FIGN: variants seen among roughly 807,000 people sequenced by gnomAD.
FIGN encodes the protein fidgetin, microtubule severing factor, also known as fidgetin.
Under a neutral mutation model 51.3 loss-of-function variants are expected in FIGN, and 11 were observed. The observed-to-expected ratio is 0.21, with a 90% CI of 0.13 to 0.35. The LOEUF is 0.35. Ranked by LOEUF, FIGN falls within the 10% of genes least tolerant of loss-of-function variation. The pLI, the probability that FIGN is intolerant of heterozygous loss-of-function variation, is 1.00. For synonymous variants in FIGN, 407 were observed against 363.2 expected, an observed-to-expected ratio of 1.12 and a Z score of -1.37; for missense variants, 857 against 943.6, an observed-to-expected ratio of 0.91 and a Z score of 1.20.
intron 2 of FIGN, among the ~76,000 whole-genome samples, chr2:163,696,481 TG>T (rs1371007652): frequency 6.6e-6 from 1 of 152,206 alleles, no homozygotes; most frequent in African/African-American, 2.4e-5. Flanking sequence ...GAAATATCGC[TG>T]CAAGTATCCA....
At position 163,700,078 on chromosome 2, in the gene FIGN, C is replaced by G. The variant is rs1217878932; in HGVS notation, c.25+34825G>C. 2.6e-5 allele frequency among the ~76,000 whole-genome samples: 4 copies of G among 151,950 alleles called. No individual in the cohort carries two copies. In the East Asian group the frequency reaches 7.7e-4, roughly 29 times the overall value. On this transcript the variant is annotated intron_variant, in intron 2 of 2. Coordinates refer to ENST00000333129, the MANE Select transcript of FIGN (RefSeq NM_018086.4). ...GAGAAGGAAGGAGAAGAAGAAGAAC[C>G]CCTCCTGAAACAGATTCTAAAATAC...
intron 2 of FIGN, among the ~76,000 whole-genome samples, chr2:163,713,302 G>A (rs965687959): frequency 6.6e-6 from 1 of 152,052 alleles, no homozygotes; most frequent in African/African-American, 2.4e-5. Context: ...AATCAAGTTC[G>A]GTAAAGGTGA....
chr2:163,624,988 C>CT (rs900364747), intron 2 of FIGN, among the ~76,000 whole-genome samples: 1 of 151,882 alleles, frequency 6.6e-6, no homozygotes, highest in African/African-American at 2.4e-5. Flanking sequence ...GCAATAATCT[C>CT]TTTTTTTCTA....
At chr2:163,639,725 A>AT (rs534205832) in intron 2 of FIGN, among the ~76,000 whole-genome samples, 158 of 152,232 alleles carry the variant, frequency 1.0e-3, no homozygotes, top group South Asian at 2.5e-3. Flanking sequence ...TCTAAAAGGC[A>AT]TTTTTTTAAC....
chr2:163,613,671 G>A (rs1285720336), intron 2 of FIGN, among the ~76,000 whole-genome samples: 2 of 152,218 alleles, frequency 1.3e-5, no homozygotes, highest in Admixed American at 6.5e-5. Context: ...AGAGAATCAT[G>A]CCAGGGCTGG....
chr2:163,712,515 A>G (rs1023789197), intron 2 of FIGN, among the ~76,000 whole-genome samples: 1 of 152,228 alleles, frequency 6.6e-6, no homozygotes, highest in African/African-American at 2.4e-5. Flanking sequence ...AATGTAAGAC[A>G]TATAATCAAA....
chr2:163,641,426 G>A (rs896722313), intron 2 of FIGN, among the ~76,000 whole-genome samples: 1 of 152,160 alleles, frequency 6.6e-6, no homozygotes, highest in Non-Finnish European at 1.5e-5. Context: ...TAGCTTGAAA[G>A]GAATTTGTAC....
intron 2 of FIGN, among the ~76,000 whole-genome samples, chr2:163,680,375 C>T (rs774949586): frequency 3.9e-5 from 6 of 152,030 alleles, no homozygotes; most frequent in Non-Finnish European, 4.4e-5. Context: ...CTTGTGGCAC[C>T]GCAAACCAAG....
chr2:163,717,248 G>A (rs563877919), intron 2 of FIGN, among the ~76,000 whole-genome samples: 41 of 152,248 alleles, frequency 2.7e-4, no homozygotes, highest in Admixed American at 1.3e-3. Flanking sequence ...GGTTAACTAC[G>A]GAATTGAGAA....
chr2:163,691,427 T>C (rs188386093), intron 2 of FIGN, among the ~76,000 whole-genome samples: 2 of 152,286 alleles, frequency 1.3e-5, no homozygotes, highest in African/African-American at 2.4e-5. Flanking sequence ...CTACCTGTCC[T>C]CCTTCACTCA....
intron 2 of FIGN, among the ~76,000 whole-genome samples, chr2:163,620,343 C>A (rs1180890449): frequency 6.6e-6 from 1 of 152,122 alleles, no homozygotes; most frequent in African/African-American, 2.4e-5. Context: ...CCCTTCCCCC[C>A]AGATCATCAG....
intron 2 of FIGN, among the ~76,000 whole-genome samples, chr2:163,715,319 G>C (rs527747163): frequency 2.0e-5 from 3 of 152,178 alleles, no homozygotes; most frequent in Non-Finnish European, 4.4e-5. Flanking sequence ...CCTCCAGGAG[G>C]GGGGATTTGA....
chr2:163,724,055 C>G (rs1167475648), intron 2 of FIGN, among the ~76,000 whole-genome samples: 1 of 152,084 alleles, frequency 6.6e-6, no homozygotes, highest in Non-Finnish European at 1.5e-5. Context: ...ATGGAGTATA[C>G]AAAACTGCAA....
Position 163,611,103 on chromosome 2 carries a change from G to A in FIGN, c.729C>T (p.Ser243=), listed in dbSNP as rs200507523. 3.4e-5 allele frequency: 55 copies of A among 1,614,180 alleles called. No homozygotes were observed. In the African/African-American group the frequency reaches 6.9e-4, roughly 20 times the overall value. Residue 243 remains serine, a synonymous_variant, in exon 3 of 3, where the codon TCC becomes TCT. Transcript: ENST00000333129. ...AGCTAGCAGACGGATAGCTGTAACT[G>A]GAGAGGTTAGAAGTCCCATTGTAGC... ...VPGYNGTSNL[S]SYSYPSASYP... is the part of the protein sequence containing the mutation.
chr2:163,674,795 T>A (rs10497239), intron 2 of FIGN, among the ~76,000 whole-genome samples: 30,885 of 152,024 alleles, frequency 0.2, 3,523 homozygotes, highest in East Asian at 0.39. Flanking sequence ...ATCACATGTA[T>A]GGTTGCTCTT....
chr2:163,635,871 GGCTTAATT>G (rs1251050666), intron 2 of FIGN, among the ~76,000 whole-genome samples: 1 of 151,888 alleles, frequency 6.6e-6, no homozygotes, highest in African/African-American at 2.4e-5. Flanking sequence ...TGAAAAGAAT[GGCTTAATT>G]GCATCAGAGG....
chr2:163,606,817 A>C lies in FIGN; in HGVS notation c.*2735T>G, dbSNP rs1290178933. The C allele has an allele frequency of 2.0e-5, 3 of 152,194 alleles. No individual in the cohort carries two copies. Among genetic ancestry groups the C allele is most frequent in the Admixed American group, 6.6e-5 (1 of 15,266 alleles). The allele number at this position is 152,194 out of a possible 1,614,324, so 9.4% of individuals were successfully genotyped here. ...TCAAATCTTGGATTTTGTGAGGCTA[A>C]ATGAAAATCACATACGACTTCAGCT... On this transcript the variant is annotated 3_prime_UTR_variant, in exon 3 of 3. Transcript: ENST00000333129.
intron 2 of FIGN, among the ~76,000 whole-genome samples, chr2:163,662,398 G>A (rs910605254): frequency 6.6e-6 from 1 of 152,186 alleles, no homozygotes; most frequent in African/African-American, 2.4e-5. Flanking sequence ...CAGCATAAAA[G>A]TTCAGAAAAT....
intron 2 of FIGN, among the ~76,000 whole-genome samples, chr2:163,691,490 T>C (rs560150377): frequency 6.6e-6 from 1 of 152,230 alleles, no homozygotes; most frequent in South Asian, 2.1e-4. Flanking sequence ...CCCTGGTTTA[T>C]AAGGATGGAC....
Sources: gnomAD v4.1 joint callset for allele counts (sites outside exome capture counted in the v4.1 genomes callset) on GRCh38, gnomAD v4.1.1 for gene constraint, MANE v1.5 for transcripts, NCBI Gene and HGNC (gene_info 2026-07-23, HGNC 2026-07-21) for gene names.